Variants in RBMS1 observed in about 807,000 individuals in gnomAD.
RBMS1 encodes RNA-binding motif, single-stranded-interacting protein 1.
A neutral mutation model predicts 62.3 loss-of-function variants in RBMS1; 17 were observed. The ratio of observed to expected loss-of-function variants is 0.27; its 90% CI spans 0.19 to 0.41. The LOEUF (loss-of-function observed/expected upper bound fraction) is 0.41, where lower values mean the gene tolerates loss of function less well. RBMS1 is among the 10% of genes least tolerant of loss of function. RBMS1 has a pLI of 1.00. For synonymous variants in RBMS1, 172 were observed against 170.0 expected, an observed-to-expected ratio of 1.01 and a Z score of -0.09; for missense variants, 334 against 504.5, an observed-to-expected ratio of 0.66 and a Z score of 3.24.
At chr2:160,311,026 T>G (rs1689824726) in intron 4 of RBMS1, among the ~76,000 whole-genome samples, 1 of 151,466 alleles carries the variant, frequency 6.6e-6, no homozygotes, top group South Asian at 2.1e-4. Flanking sequence ...AAATCCTGTC[T>G]CTACTAAAAA....
intron 6 of RBMS1, among the ~76,000 whole-genome samples, chr2:160,290,968 C>T (rs1053926831): frequency 1.3e-5 from 2 of 150,142 alleles, no homozygotes; most frequent in Non-Finnish European, 3.0e-5. Flanking sequence ...TTTTCCTTAC[C>T]GATCTTCTGA....
chr2:160,337,411 G>A (rs1322106583), intron 2 of RBMS1, among the ~76,000 whole-genome samples: 1 of 152,118 alleles, frequency 6.6e-6, no homozygotes, highest in African/African-American at 2.4e-5. Context: ...TGGGATTACA[G>A]ATGTAAGCCA....
intron 1 of RBMS1, among the ~76,000 whole-genome samples, chr2:160,391,631 T>C (rs1432948816): frequency 6.6e-6 from 1 of 152,182 alleles, no homozygotes; most frequent in Non-Finnish European, 1.5e-5. Context: ...ACCATGGCCT[T>C]CTGTCTCACC....
intron 2 of RBMS1, among the ~76,000 whole-genome samples, chr2:160,340,213 C>G (rs1010194463): frequency 6.6e-6 from 1 of 151,988 alleles, no homozygotes; most frequent in Non-Finnish European, 1.5e-5. Flanking sequence ...AATGGATCAA[C>G]CTTATTTAAG....
chr2:160,431,154 A>AATTAGACTATTTT (rs1682879887), intron 1 of RBMS1, among the ~76,000 whole-genome samples: 1 of 143,526 alleles, frequency 7.0e-6, no homozygotes, highest in Non-Finnish European at 1.5e-5. Context: ...AGTCTAATAA[A>AATTAGACTATTTT]ATTAGACTAT....
intron 3 of RBMS1, among the ~76,000 whole-genome samples, chr2:160,316,780 A>T (rs1453003242): frequency 6.6e-6 from 1 of 152,162 alleles, no homozygotes; most frequent in Non-Finnish European, 1.5e-5. Context: ...AGAAAAAGAG[A>T]GGAGGTAGGG....
chr2:160,407,484 G>A (rs1055193116), intron 1 of RBMS1: 96 of 986,014 alleles, frequency 9.7e-5, no homozygotes, highest in Admixed American at 1.2e-4. Flanking sequence ...TAGGGCGTCC[G>A]GCAGTTGCTG....
intron 1 of RBMS1, among the ~76,000 whole-genome samples, chr2:160,439,647 C>A (rs965857513): frequency 3.3e-5 from 5 of 151,806 alleles, no homozygotes; most frequent in Admixed American, 2.6e-4. Context: ...ACTTCCCGGA[C>A]GGGGTGGCGG....
chr2:160,346,325 G>A (rs1298318031), intron 2 of RBMS1, among the ~76,000 whole-genome samples: 1 of 152,120 alleles, frequency 6.6e-6, no homozygotes, highest in East Asian at 1.9e-4. Context: ...CAGTTCATGG[G>A]GTCTCCTGGT....
chr2:160,492,156 G>A (rs992647782), intron 1 of RBMS1, among the ~76,000 whole-genome samples: 1 of 152,142 alleles, frequency 6.6e-6, no homozygotes, highest in Non-Finnish European at 1.5e-5. Context: ...AGAAAGTTCG[G>A]ACACTGCATC....
At chr2:160,479,002 G>A (rs1212292313) in intron 1 of RBMS1, among the ~76,000 whole-genome samples, 1 of 152,192 alleles carries the variant, frequency 6.6e-6, no homozygotes, top group Non-Finnish European at 1.5e-5. Context: ...TGAACGAAAG[G>A]GTTGGCTTCA....
intron 2 of RBMS1, among the ~76,000 whole-genome samples, chr2:160,332,589 C>A (rs553565733): frequency 1.3e-5 from 2 of 152,280 alleles, no homozygotes; most frequent in South Asian, 4.1e-4. Flanking sequence ...CCTCCACTGC[C>A]CTGACTTCCT....
chr2:160,344,188 A>G (rs1287796364), intron 2 of RBMS1, among the ~76,000 whole-genome samples: 1 of 152,174 alleles, frequency 6.6e-6, no homozygotes, highest in East Asian at 1.9e-4. Context: ...CACTTCTGAT[A>G]TTTTAATTGT....
At chr2:160,390,086 T>C (rs1041068385) in intron 1 of RBMS1, among the ~76,000 whole-genome samples, 1 of 152,234 alleles carries the variant, frequency 6.6e-6, no homozygotes, top group Admixed American at 6.5e-5. Flanking sequence ...AGAGGTAACC[T>C]GATACCTTAA....
At chr2:160,295,797 G>A (rs1688905181) in intron 6 of RBMS1, among the ~76,000 whole-genome samples, 1 of 152,224 alleles carries the variant, frequency 6.6e-6, no homozygotes, top group African/African-American at 2.4e-5. Context: ...GAACTGAAGA[G>A]CTTTTGTTGT....
chr2:160,396,681 T>C (rs1187928446), intron 1 of RBMS1, among the ~76,000 whole-genome samples: 4 of 145,558 alleles, frequency 2.7e-5, no homozygotes, highest in African/African-American at 1.0e-4. Flanking sequence ...TTCTCCTGCC[T>C]CAGCCTCCTG....
chr2:160,452,969 A>G (rs191779851), intron 1 of RBMS1, among the ~76,000 whole-genome samples: 84 of 152,306 alleles, frequency 5.5e-4, no homozygotes, highest in African/African-American at 1.9e-3. Flanking sequence ...TAGTATCTTC[A>G]TCTGTAGGAT....
intron 1 of RBMS1, among the ~76,000 whole-genome samples, chr2:160,435,881 A>C (rs1272988069): frequency 6.6e-6 from 1 of 152,188 alleles, no homozygotes; most frequent in Non-Finnish European, 1.5e-5. Context: ...ATCAATAGCC[A>C]AGTTATTATT....
At chr2:160,430,319 C>A (rs1005961915) in intron 1 of RBMS1, among the ~76,000 whole-genome samples, 1 of 152,156 alleles carries the variant, frequency 6.6e-6, no homozygotes, top group Non-Finnish European at 1.5e-5. Flanking sequence ...ATAATTGAAA[C>A]AATAATACTA....
Sources: gnomAD v4.1 joint callset for allele counts (sites outside exome capture counted in the v4.1 genomes callset) on GRCh38, gnomAD v4.1.1 for gene constraint, MANE v1.5 for transcripts, NCBI Gene and HGNC (gene_info 2026-07-23, HGNC 2026-07-21) for gene names.